Variants in SLC2A14 observed in about 807,000 individuals in gnomAD.
SLC2A14 encodes the protein solute carrier family 2, facilitated glucose transporter member 14.
In SLC2A14, 13 loss-of-function variants were observed where a neutral mutation model predicts 43.0. The observed-to-expected ratio is 0.30, with a 90% CI of 0.20 to 0.48. The LOEUF is 0.48. Ranked by LOEUF, SLC2A14 falls within the 20% of genes least tolerant of loss-of-function variation. The probability of loss-of-function intolerance (pLI) is 0.99; values close to 1 mark genes in which losing one functional copy is unlikely to be tolerated. For synonymous variants in SLC2A14, 190 were observed against 233.8 expected (o/e 0.81, Z 1.71); for missense variants, 428 against 620.4 (o/e 0.69, Z 3.29).
At chr12:7,871,665 GAA>G (rs1945242048) in intron 1 of SLC2A14, among the ~76,000 whole-genome samples, 3 of 152,074 alleles carry the variant, frequency 2.0e-5, no homozygotes, top group African/African-American at 7.2e-5. Context: ...GGTACTGAGA[GAA>G]AGCCCCCAAG....
intron 10 of SLC2A14, among the ~76,000 whole-genome samples, chr12:7,815,971 G>A (rs1398879981): frequency 6.6e-6 from 1 of 151,760 alleles, no homozygotes; most frequent in African/African-American, 2.4e-5. Flanking sequence ...TGCAAGCTTG[G>A]CTCACTGCAA....
intron 1 of SLC2A14, among the ~76,000 whole-genome samples, chr12:7,884,896 A>G (rs1162717999): frequency 2.6e-5 from 4 of 152,132 alleles, no homozygotes; most frequent in African/African-American, 9.7e-5. Context: ...AGGGTGGGAA[A>G]GAGGAAGTCA....
At chr12:7,864,947 C>T (rs907525411) in intron 2 of SLC2A14, among the ~76,000 whole-genome samples, 2 of 152,112 alleles carry the variant, frequency 1.3e-5, no homozygotes, top group Non-Finnish European at 2.9e-5. Flanking sequence ...CGTAAAGAGG[C>T]CTTCCCTGAC....
At chr12:7,876,268 A>AAAACTCC (rs1468972366), upstream of SLC2A14, among the ~76,000 whole-genome samples, 13 of 127,586 alleles carry the variant, frequency 1.0e-4, no homozygotes, top group African/African-American at 3.4e-4. Context: ...GTGACAGAGC[A>AAAACTCC]AAACTCCATC....
At chr12:7,859,165 G>A (rs1944408319) in intron 2 of SLC2A14, among the ~76,000 whole-genome samples, 1 of 152,092 alleles carries the variant, frequency 6.6e-6, no homozygotes, top group African/African-American at 2.4e-5. Flanking sequence ...GAGGAGGGCG[G>A]ATCACCTGAG....
At position 7,827,686 on chromosome 12, in the gene SLC2A14, G is replaced by A. The variant is rs988173774; in HGVS notation, c.677-4C>T. The A allele has an allele frequency of 1.3e-6, 2 of 1,514,316 alleles. No individual in the cohort carries two copies. Among genetic ancestry groups the A allele is most frequent in the Non-Finnish European group, 1.7e-6 (2 of 1,144,828 alleles). 93.8% of individuals were successfully genotyped at this position (1,514,316 alleles called of 1,614,324 possible). On this transcript the variant is annotated splice_polypyrimidine_tract_variant and splice_region_variant and intron_variant, in intron 6 of 10. Coordinates refer to ENST00000431042, the MANE Select transcript of SLC2A14 (RefSeq NM_001286234.2). ...GTGCCCCACAACCGCTGGAGGACTG[G>A]TGAAAAGAAGAAAGAGGAAAGGATA... is the stretch of plus-strand genomic sequence containing the variant.
At chr12:7,865,401 G>T (rs1461858756) in intron 2 of SLC2A14, among the ~76,000 whole-genome samples, 1 of 151,976 alleles carries the variant, frequency 6.6e-6, no homozygotes, top group East Asian at 1.9e-4. Context: ...GCCGGGCGTG[G>T]TGGCACATGC....
rs1236475835 is a variant in SLC2A14 at position 7,830,020 on chromosome 12, C to T, written c.273-14G>A. The T allele has an allele frequency of 1.9e-6, 3 of 1,613,788 alleles. No individual in the cohort carries two copies. The highest frequency in any genetic ancestry group is 2.2e-5 in the East Asian group (1 of 44,872). On this transcript the variant is annotated splice_polypyrimidine_tract_variant and intron_variant, in intron 4 of 10. Coordinates refer to ENST00000431042, the MANE Select transcript of SLC2A14 (RefSeq NM_001286234.2). Reference sequence around the variant, plus strand: ...ATTGAATTGCGCCTGTAAGGTTAATCAAAGACAACATGGAATTAGCAAAGT... The same window carrying T: ...ATTGAATTGCGCCTGTAAGGTTAATTAAAGACAACATGGAATTAGCAAAGT...
chr12:7,879,397 A>G (rs1365782907), intron 1 of SLC2A14, among the ~76,000 whole-genome samples: 1 of 151,852 alleles, frequency 6.6e-6, no homozygotes. Flanking sequence ...CAACAAAAAA[A>G]GAGGCCAGGT....
At chr12:7,831,999 TC>T (rs1460713886) in intron 3 of SLC2A14, among the ~76,000 whole-genome samples, 1 of 152,190 alleles carries the variant, frequency 6.6e-6, no homozygotes, top group African/African-American at 2.4e-5. Flanking sequence ...TCCCAGCTAC[TC>T]GGGAGGCTGA....
At chr12:7,863,649 ACGGACAT>A (rs1944736684) in intron 2 of SLC2A14, among the ~76,000 whole-genome samples, 1 of 151,984 alleles carries the variant, frequency 6.6e-6, no homozygotes, top group South Asian at 2.1e-4. Flanking sequence ...ACCTTGGAAT[ACGGACAT>A]AGCTCATTCA....
At position 7,882,779 on chromosome 12, in the gene SLC2A14, G is replaced by C. The variant is rs376844712; in HGVS notation, c.132+8217C>G. Among the ~76,000 whole-genome samples, 3 of 152,064 alleles carry C rather than the reference G, an allele frequency of 2.0e-5. 1 individual carries two copies. Among genetic ancestry groups the C allele is most frequent in the East Asian group, 3.9e-4 (2 of 5,194 alleles). On this transcript the variant is annotated intron_variant, in intron 1 of 9. Coordinates refer to the SLC2A14 transcript ENST00000539924. ...TTGAACCCAGGAGGCAGAGGCTGCAGTGAGCTGAGATCTGGCCACTGTAGT... is the reference window on the plus strand; with the variant it reads ...TTGAACCCAGGAGGCAGAGGCTGCACTGAGCTGAGATCTGGCCACTGTAGT...
intron 8 of SLC2A14, 128 bp downstream of exon 8, chr12:7,821,093 T>C (rs1863872266): frequency 1.4e-6 from 1 of 695,818 alleles, no homozygotes; most frequent in Non-Finnish European, 2.3e-6. Flanking sequence ...TCTCAAAAAA[T>C]TTAAAAAAAT....
intron 2 of SLC2A14, among the ~76,000 whole-genome samples, chr12:7,861,263 G>C (rs150808176): frequency 6.6e-6 from 1 of 152,118 alleles, no homozygotes; most frequent in African/African-American, 2.4e-5. Flanking sequence ...TGGGGGGGAG[G>C]CTTGTTTATT....
chr12:7,853,168 T>C (rs1867073414), intron 2 of SLC2A14, among the ~76,000 whole-genome samples: 2 of 151,912 alleles, frequency 1.3e-5, no homozygotes, highest in African/African-American at 2.4e-5. Context: ...GGGCTGGGCA[T>C]GGTGGCTCAT....
chr12:7,818,653 C>A (rs1863676983), intron 9 of SLC2A14, among the ~76,000 whole-genome samples: 1 of 151,554 alleles, frequency 6.6e-6, no homozygotes, highest in South Asian at 2.1e-4. Context: ...CACAGCAAGA[C>A]CCTGTCTCAA....
At chr12:7,843,074 T>C (rs781244708) in intron 2 of SLC2A14, among the ~76,000 whole-genome samples, 47 of 152,246 alleles carry the variant, frequency 3.1e-4, no homozygotes, top group Admixed American at 2.4e-3. Context: ...AATCACCTCA[T>C]GGAGAATGGG....
At chr12:7,845,921 A>G (rs2098763447) in intron 2 of SLC2A14, among the ~76,000 whole-genome samples, 1 of 151,742 alleles carries the variant, frequency 6.6e-6, no homozygotes, top group Non-Finnish European at 1.5e-5. Flanking sequence ...GCAAAACCCC[A>G]TCTCTATCAA....
At position 7,826,883 on chromosome 12, in the gene SLC2A14, TTCTTTC is replaced by T. The variant is rs1182421930; in HGVS notation, c.864+606_864+611del. ...CTTTTTTCTTTCTTTCTTTCTTTCT[TTCTTTC>T]TTTCTTTCTTTCTTTCTTTCTTTCT... On this transcript the variant is annotated intron_variant, in intron 7 of 10. Transcript: ENST00000431042. 1.2e-3 allele frequency among the ~76,000 whole-genome samples: 79 copies of T among 67,478 alleles called. 4 individuals carry two copies. Among genetic ancestry groups the T allele is most frequent in the Middle Eastern group, 6.3e-3 (1 of 158 alleles). The allele number at this position is 67,478 out of a possible 152,430, so 44.3% of individuals were successfully genotyped here.
Sources: gnomAD v4.1 joint callset for allele counts (sites outside exome capture counted in the v4.1 genomes callset) on GRCh38, gnomAD v4.1.1 for gene constraint, MANE v1.5 for transcripts, NCBI Gene and HGNC (gene_info 2026-07-23, HGNC 2026-07-21) for gene names.